Variants in LHX2 observed in about 807,000 individuals in gnomAD.
LHX2 encodes the protein LIM homeobox 2.
Under a neutral mutation model 33.0 loss-of-function variants are expected in LHX2, and 6 were observed. That is an observed-to-expected ratio of 0.18 (90% CI 0.10 to 0.36). The LOEUF (loss-of-function observed/expected upper bound fraction) is 0.36, where lower values mean the gene tolerates loss of function less well. Among genes scored for constraint, LHX2 ranks in the 10% least tolerant of loss-of-function variants. LHX2 has a pLI of 1.00. For missense variants in LHX2, 442 were observed against 586.2 expected (o/e 0.75, Z 2.54); for synonymous variants, 292 against 253.1 (o/e 1.15, Z -1.46).
rs1828720604 is a variant in LHX2 at position 124,032,874 on chromosome 9, G to T, written c.*167G>T. The T allele has an allele frequency of 4.5e-6, 3 of 670,874 alleles. No homozygotes were observed. Among genetic ancestry groups the T allele is most frequent in the Non-Finnish European group, 7.1e-6 (3 of 423,574 alleles). The allele number at this position is 670,874 out of a possible 1,614,324, so 41.6% of individuals were successfully genotyped here. A position where few individuals can be genotyped will look rare whatever the true frequency, so the allele number is the denominator to read the frequency against. On this transcript the variant is annotated 3_prime_UTR_variant, in exon 5 of 5. Transcript: ENST00000373615. This position sits in a 1 kb window ranked among gnomAD's most constrained non-coding sequence, Gnocchi z 4.1. ...GAAGTGTGCGCCCGGCTAATGCAGC[G>T]GTGTGGACCGAGGAACAACTTGGAA... is the stretch of plus-strand genomic sequence containing the variant.
Position 124,016,696 on chromosome 9 carries a change from G to T in LHX2, c.727+1171G>T, listed in dbSNP as rs781551727. Among the ~76,000 whole-genome samples the T allele has an allele frequency of 1.3e-5, 2 of 152,214 alleles. No homozygotes were observed. The highest frequency in any genetic ancestry group is 1.9e-4 in the East Asian group (1 of 5,198). On this transcript the variant is annotated intron_variant, in intron 3 of 4. Coordinates refer to ENST00000373615, the MANE Select transcript of LHX2 (RefSeq NM_004789.4). This position sits in a 1 kb window ranked among gnomAD's most constrained non-coding sequence, Gnocchi z 4.4. Reference sequence around the variant, plus strand: ...GAAATCGCTTGGAGGATCATGGGGCGTGTGTCCCTGTGTGCGGAACTGGGA... The same window carrying T: ...GAAATCGCTTGGAGGATCATGGGGCTTGTGTCCCTGTGTGCGGAACTGGGA...
intron 4 of LHX2, among the ~76,000 whole-genome samples, chr9:124,024,775 T>C (rs1564551482): frequency 6.6e-6 from 1 of 152,212 alleles, no homozygotes. Flanking sequence ...ATTTTGCAGA[T>C]GATGAAACTG....
rs1459395803 is a variant in LHX2 at position 124,014,326 on chromosome 9, T to A, written c.323+163T>A. Among the ~76,000 whole-genome samples, 2 of 151,060 alleles carry A rather than the reference T, an allele frequency of 1.3e-5. No individual in the cohort carries two copies. The highest frequency in any genetic ancestry group is 2.9e-5 in the Non-Finnish European group (2 of 67,934). The stretch of plus-strand genomic sequence containing the variant: ...CTCCAAGCCACCACAAGTTGGGTGA[T>A]AACCTTTTAAAGCAGCAATTTGGGG... On this transcript the variant is annotated intron_variant, in intron 2 of 4. Coordinates refer to ENST00000373615, the MANE Select transcript of LHX2 (RefSeq NM_004789.4). This position sits in a 1 kb window ranked among gnomAD's most constrained non-coding sequence, Gnocchi z 4.8.
In LHX2 at chr9:124,032,592, A is replaced by G. The variant is rs765319512; in HGVS notation, c.1106A>G (p.Asp369Gly). 1 of 1,614,070 alleles carries G rather than the reference A, an allele frequency of 6.2e-7. No individual in the cohort carries two copies. Among genetic ancestry groups the G allele is most frequent in the Admixed American group, 1.7e-5 (1 of 60,018 alleles). ...SPSSTPTTLTDLTSPTLPTVT... is the reference protein window; with the variant it reads ...SPSSTPTTLTGLTSPTLPTVT... ...TCCAGCACGCCCACCACCCTGACAG[A>G]CTTGACTAGCCCCACCCTGCCAACT... is the stretch of plus-strand genomic sequence containing the variant. Residue 369 changes from aspartate (D) to glycine (G), a missense_variant, in exon 5 of 5, where the codon GAC (aspartate) becomes GGC (glycine). Around this residue, in one of 5 missense-constraint regions of LHX2, gnomAD observed 109 missense variants for 98.7 expected, o/e 1.10. Transcript: ENST00000373615. This position sits in a 1 kb window ranked among gnomAD's most constrained non-coding sequence, Gnocchi z 4.1.
Position 124,018,006 on chromosome 9 carries a change from G to T in LHX2, c.727+2481G>T, listed in dbSNP as rs1483809627. Among the ~76,000 whole-genome samples, 7 of 151,928 alleles carry T rather than the reference G, an allele frequency of 4.6e-5. No homozygotes were observed. In the South Asian group the frequency reaches 1.4e-3, roughly 31 times the overall value. On this transcript the variant is annotated intron_variant, in intron 3 of 4. Coordinates refer to ENST00000373615, the MANE Select transcript of LHX2 (RefSeq NM_004789.4). ...CGCCGCGGCCGCGGGAGTCCCGCGCGGACCGGCCGGACGCCCGGCCTCCCC... is the reference window on the plus strand; with the variant it reads ...CGCCGCGGCCGCGGGAGTCCCGCGCTGACCGGCCGGACGCCCGGCCTCCCC...
intron 4 of LHX2, among the ~76,000 whole-genome samples, chr9:124,023,727 AGAGTTAC>A (rs1317211942): frequency 6.6e-6 from 1 of 152,198 alleles, no homozygotes; most frequent in Non-Finnish European, 1.5e-5. Flanking sequence ...GATTTCCAGG[AGAGTTAC>A]CTCTTATTCT....
chr9:124,018,312 C>A (rs1434481489), intron 3 of LHX2, among the ~76,000 whole-genome samples: 1 of 151,538 alleles, frequency 6.6e-6, no homozygotes, highest in Non-Finnish European at 1.5e-5. Context: ...GGGTCCTCCC[C>A]CTCCCCTCGG....
chr9:124,024,030 G>A (rs999836642), intron 4 of LHX2, among the ~76,000 whole-genome samples: 3 of 152,204 alleles, frequency 2.0e-5, no homozygotes, highest in African/African-American at 7.2e-5. Flanking sequence ...TACCTGCAGA[G>A]CTGGATCCAA....
chr9:124,021,858 T>A (rs1198177392), intron 4 of LHX2: 1 of 151,900 alleles, frequency 6.6e-6, no homozygotes, highest in African/African-American at 2.4e-5. Flanking sequence ...CAGACTCTCC[T>A]GGAAGCAAGG....
chr9:124,012,294 G>A lies in LHX2; in HGVS notation c.-55G>A. On this transcript the variant is annotated 5_prime_UTR_variant, in exon 1 of 5. Transcript: ENST00000373615. This position sits in a 1 kb window ranked among gnomAD's most constrained non-coding sequence, Gnocchi z 4.3. ...CAGGAGCGCCAGGCAGCTGAGGCGGGGGGCAAGCCCTCCCTCGGAGGAGCC... is the reference window on the plus strand; with the variant it reads ...CAGGAGCGCCAGGCAGCTGAGGCGGAGGGCAAGCCCTCCCTCGGAGGAGCC... The A allele has an allele frequency of 1.4e-6, 2 of 1,443,132 alleles. No homozygotes were observed. The highest frequency in any genetic ancestry group is 6.1e-5 in the East Asian group (2 of 32,658). The allele number at this position is 1,443,132 out of a possible 1,614,324, so 89.4% of individuals were successfully genotyped here.
chr9:124,015,267 G>T lies in LHX2; in HGVS notation c.469G>T (p.Gly157Cys), dbSNP rs1228926589. Residue 157 changes from glycine (G) to cysteine (C), a missense_variant, in exon 3 of 5, where the codon GGC (glycine) becomes TGC (cysteine). Gly to Cys is a radical substitution (Grantham distance 159). Around this residue, in one of 5 missense-constraint regions of LHX2, gnomAD observed 72 missense variants for 171.6 expected, o/e 0.42. Transcript: ENST00000373615. This position sits in a 1 kb window ranked among gnomAD's most constrained non-coding sequence, Gnocchi z 7.9. ...NKMLTTGDHF[G>C]MKDSLVYCRL... is the part of the protein sequence containing the mutation. ...GATGCTGACCACGGGCGACCACTTC[G>T]GCATGAAGGACAGCCTGGTCTACTG... 1 of 1,614,128 alleles carries T rather than the reference G, an allele frequency of 6.2e-7. No individual in the cohort carries two copies. The highest frequency in any genetic ancestry group is 1.1e-5 in the South Asian group (1 of 91,088).
chr9:124,032,171 G>A lies in LHX2; in HGVS notation c.934-249G>A. ...GCGGGAGGATCGCTTGATCCCAGGA[G>A]TTAGAAGCTGCAGTGAGTCGAGATT... On this transcript the variant is annotated intron_variant, in intron 4 of 4. Transcript: ENST00000373615. The surrounding 1 kb of genome is among the most constrained non-coding windows in gnomAD (Gnocchi z 4.1). 1 of 446,604 alleles carries A rather than the reference G, an allele frequency of 2.2e-6. No homozygotes were observed. The allele number at this position is 446,604 out of a possible 1,614,324, so 27.7% of individuals were successfully genotyped here. A position where few individuals can be genotyped will look rare whatever the true frequency, so the allele number is the denominator to read the frequency against.
chr9:124,018,517 C>T lies in LHX2; in HGVS notation c.728-2582C>T, dbSNP rs550562088. Among the ~76,000 whole-genome samples the T allele has an allele frequency of 1.4e-4, 22 of 152,278 alleles. No individual in the cohort carries two copies. The South Asian group carries it at 2.3e-3, about 16-fold the overall frequency. On this transcript the variant is annotated intron_variant, in intron 3 of 4. Transcript: ENST00000373615. ...GCCGGCTCCTTTCCCTTTTTCTCCA[C>T]TCCCCTTCTTTCCCCTTTTCTCTAC...
In LHX2 at chr9:124,032,652, T is replaced by G. The variant is rs1366341343; in HGVS notation, c.1166T>G (p.Leu389Arg). 1 of 1,613,772 alleles carries G rather than the reference T, an allele frequency of 6.2e-7. No homozygotes were observed. Among genetic ancestry groups the G allele is most frequent in the South Asian group, 1.1e-5 (1 of 91,030 alleles). The change falls in exon 5 of 5, where the codon CTG becomes CGG. Residue 389 changes from leucine (L) to arginine (R), a missense_variant. Coordinates refer to ENST00000373615, the MANE Select transcript of LHX2 (RefSeq NM_004789.4). This position sits in a 1 kb window ranked among gnomAD's most constrained non-coding sequence, Gnocchi z 4.1. Reference protein sequence around the residue: ...TSVLTSVPGNLEGHEPHSPSQ... With the variant: ...TSVLTSVPGNREGHEPHSPSQ... ...GTCTTAACTTCTGTGCCTGGCAACC[T>G]GGAGGGCCATGAGCCTCACAGCCCC...
In LHX2 at chr9:124,016,225, C is replaced by T. The variant is rs1163608396; in HGVS notation, c.727+700C>T. ...GACCGGAGCAGGCCTGGCCTCGCGC[C>T]GGGGTGGGGTGGGGTGGGGTGAGGT... On this transcript the variant is annotated intron_variant, in intron 3 of 4. Coordinates refer to ENST00000373615, the MANE Select transcript of LHX2 (RefSeq NM_004789.4). The surrounding 1 kb of genome is among the most constrained non-coding windows in gnomAD (Gnocchi z 4.4). Among the ~76,000 whole-genome samples the T allele has an allele frequency of 2.2e-5, 1 of 44,454 alleles. No individual in the cohort carries two copies. The highest frequency in any genetic ancestry group is 4.2e-5 in the Non-Finnish European group (1 of 23,704). The allele number at this position is 44,454 out of a possible 152,430, so 29.2% of individuals were successfully genotyped here.
rs1179251329 is a variant in LHX2 at position 124,015,365 on chromosome 9, GGCCGCTGCA to G, written c.573_581del (p.Ala194_Ala196del). 6.2e-7 allele frequency: 1 copy of G among 1,610,114 alleles called. No homozygotes were observed. Among genetic ancestry groups the G allele is most frequent in the Non-Finnish European group, 8.5e-7 (1 of 1,178,218 alleles). On this transcript the variant is annotated inframe_deletion, in exon 3 of 5. Coordinates refer to ENST00000373615, the MANE Select transcript of LHX2 (RefSeq NM_004789.4). This position sits in a 1 kb window ranked among gnomAD's most constrained non-coding sequence, Gnocchi z 7.9. ...TCAACCATGCCGACGTGGCAGCGGC[GGCCGCTGCA>G]GCCGCGGCGGCCAAGAGCGCGGGGC...
intron 3 of LHX2, among the ~76,000 whole-genome samples, chr9:124,018,445 C>T (rs939629788): frequency 1.3e-5 from 2 of 152,072 alleles, no homozygotes; most frequent in Non-Finnish European, 2.9e-5. Flanking sequence ...TCCCCCGCCG[C>T]CGCCCCCTGC....
At chr9:124,020,018 C>G (rs1187343246) in intron 3 of LHX2, among the ~76,000 whole-genome samples, 3 of 152,194 alleles carry the variant, frequency 2.0e-5, no homozygotes, top group African/African-American at 7.2e-5. Context: ...TAGGGACAGG[C>G]TCCCTCCTCC....
rs544987222 is a variant in LHX2 at position 124,014,983 on chromosome 9, C to T, written c.324-139C>T. The T allele has an allele frequency of 4.5e-6, 4 of 882,172 alleles. No homozygotes were observed. The highest frequency in any genetic ancestry group is 5.2e-5 in the East Asian group (2 of 38,556). The allele number at this position is 882,172 out of a possible 1,614,324, so 54.6% of individuals were successfully genotyped here. A position where few individuals can be genotyped will look rare whatever the true frequency, so the allele number is the denominator to read the frequency against. ...TGGGTCAAAATCTAGTTCTCTCTCC[C>T]CCCCATCCTCCAAATAAAGGCCGGG... is the stretch of plus-strand genomic sequence containing the variant. On this transcript the variant is annotated intron_variant, in intron 2 of 4. Coordinates refer to ENST00000373615, the MANE Select transcript of LHX2 (RefSeq NM_004789.4). This position sits in a 1 kb window ranked among gnomAD's most constrained non-coding sequence, Gnocchi z 4.8.
Sources: gnomAD v4.1 joint callset for allele counts (sites outside exome capture counted in the v4.1 genomes callset) on GRCh38, gnomAD v4.1.1 for gene constraint, gnomAD v4.1.1 regional missense constraint, Gnocchi (gnomAD v3.1) non-coding constraint, MANE v1.5 for transcripts, NCBI Gene and HGNC (gene_info 2026-07-23, HGNC 2026-07-21) for gene names.